TENM3: variants seen among roughly 807,000 people sequenced by gnomAD.
TENM3 encodes teneurin-3.
In TENM3, 63 loss-of-function variants were observed where a neutral mutation model predicts 255.1. That is an observed-to-expected ratio of 0.25 (90% CI 0.20 to 0.30). The LOEUF is 0.30. Among genes scored for constraint, TENM3 ranks in the 10% least tolerant of loss-of-function variants. The probability of loss-of-function intolerance (pLI) is 1.00; values close to 1 mark genes in which losing one functional copy is unlikely to be tolerated. For synonymous variants in TENM3, 1,306 were observed against 1,322.3 expected (o/e 0.99, Z 0.27); for missense variants, 2,929 against 3,461.1 (o/e 0.85, Z 3.86).
rs1054909803 is a variant in TENM3, at chr4:182,621,466, T to A, written c.750-7185T>A. Among the ~76,000 whole-genome samples, 12 of 149,638 alleles carry A rather than the reference T, an allele frequency of 8.0e-5. No homozygotes were observed. In the East Asian group the frequency reaches 2.4e-3, roughly 30 times the overall value. ...ATCTGAGGAGGGGTACTTCTGAGAT[T>A]TAAAGTCAGTGGCTGGCCAGGCATG... is the stretch of plus-strand genomic sequence containing the variant. On this transcript the variant is annotated intron_variant, in intron 4 of 27. Transcript: ENST00000511685.
At chr4:181,680,008 T>C in the TENM3 span, among the ~76,000 whole-genome samples, 22 of 152,110 alleles carry the variant, frequency 1.4e-4, no homozygotes, top group Non-Finnish European at 7.4e-5. Flanking sequence ...GTCTAATCAA[T>C]TCCCCCTCCA....
At chr4:181,478,131 T>C in the TENM3 span, among the ~76,000 whole-genome samples, 1 of 152,196 alleles carries the variant, frequency 6.6e-6, no homozygotes, top group East Asian at 1.9e-4. Flanking sequence ...ATGAGCAGAT[T>C]GGGAGACTAC....
At chr4:182,029,731 AG>A in the TENM3 span, among the ~76,000 whole-genome samples, 1 of 152,190 alleles carries the variant, frequency 6.6e-6, no homozygotes, top group Non-Finnish European at 1.5e-5. Context: ...ACATTGTAAA[AG>A]TATTTGTATT....
At chr4:181,575,717 C>T in the TENM3 span, among the ~76,000 whole-genome samples, 25 of 152,124 alleles carry the variant, frequency 1.6e-4, no homozygotes, top group East Asian at 1.9e-4. Context: ...GAGCTATATA[C>T]GACATTTGGG....
intron 3 of TENM3, among the ~76,000 whole-genome samples, chr4:182,364,481 A>G (rs1766267547): frequency 6.6e-6 from 1 of 152,142 alleles, no homozygotes; most frequent in Non-Finnish European, 1.5e-5. Context: ...CAGTGGCGCG[A>G]TCTCGGCTCA....
chr4:181,982,400 A>G, the TENM3 span, among the ~76,000 whole-genome samples: 1 of 152,198 alleles, frequency 6.6e-6, no homozygotes, highest in Non-Finnish European at 1.5e-5. Flanking sequence ...AGGCGGATGT[A>G]CAGTATTGAA....
At chr4:182,273,876 T>A (rs759763502) in intron 1 of TENM3, among the ~76,000 whole-genome samples, 1 of 152,218 alleles carries the variant, frequency 6.6e-6, no homozygotes, top group Non-Finnish European at 1.5e-5. Context: ...ATGAAGGAGC[T>A]TTGTATTCTA....
the TENM3 span, among the ~76,000 whole-genome samples, chr4:181,954,808 C>G: frequency 6.6e-6 from 1 of 152,070 alleles, no homozygotes; most frequent in African/African-American, 2.4e-5. Context: ...GTGTTCCTTC[C>G]AGAAATTATA....
chr4:181,960,000 G>A, the TENM3 span, among the ~76,000 whole-genome samples: 4 of 152,172 alleles, frequency 2.6e-5, no homozygotes, highest in Non-Finnish European at 4.4e-5. Context: ...AAGTTCAAGG[G>A]CAAGTTACAC....
At chr4:181,659,182 AAATT>A in the TENM3 span, among the ~76,000 whole-genome samples, 2 of 152,190 alleles carry the variant, frequency 1.3e-5, no homozygotes, top group South Asian at 2.1e-4. Context: ...GTAATTAAGA[AAATT>A]AATCCTTTGT....
the TENM3 span, among the ~76,000 whole-genome samples, chr4:182,006,058 T>G: frequency 1.3e-5 from 2 of 152,162 alleles, no homozygotes; most frequent in Non-Finnish European, 2.9e-5. Context: ...TATCCTTTAT[T>G]TCTTCTCTTG....
At chr4:182,106,560 C>T in the TENM3 span, among the ~76,000 whole-genome samples, 4 of 152,274 alleles carry the variant, frequency 2.6e-5, no homozygotes, top group South Asian at 2.1e-4. Flanking sequence ...AACTAAATGT[C>T]CTATAGGTGA....
At chr4:181,983,234 A>G in the TENM3 span, among the ~76,000 whole-genome samples, 5 of 152,134 alleles carry the variant, frequency 3.3e-5, no homozygotes, top group African/African-American at 9.6e-5. Context: ...TTCCTTCTGC[A>G]TGTTACATGC....
intron 3 of TENM3, among the ~76,000 whole-genome samples, chr4:182,538,280 C>A (rs1740534903): frequency 6.6e-6 from 1 of 152,040 alleles, no homozygotes; most frequent in Non-Finnish European, 1.5e-5. Context: ...CAATAGTAGG[C>A]AAATTCAGAA....
chr4:182,474,220 T>TATAG (rs1354522696), intron 3 of TENM3, among the ~76,000 whole-genome samples: 5 of 152,166 alleles, frequency 3.3e-5, no homozygotes, highest in African/African-American at 9.7e-5. Context: ...CTCACAGGAT[T>TATAG]ATAGATACCA....
At chr4:182,766,098 C>T (rs1034097734) in intron 22 of TENM3, among the ~76,000 whole-genome samples, 2 of 152,156 alleles carry the variant, frequency 1.3e-5, no homozygotes, top group African/African-American at 4.8e-5. Context: ...TCCTTGTCCT[C>T]GCTCAGTGCC....
intron 11 of TENM3, among the ~76,000 whole-genome samples, chr4:182,687,731 A>G (rs1433065473): frequency 6.6e-6 from 1 of 150,992 alleles, no homozygotes; most frequent in African/African-American, 2.4e-5. Context: ...TTCTTGCCAT[A>G]TGTATGAAAT....
chr4:181,572,630 T>C, the TENM3 span, among the ~76,000 whole-genome samples: 1 of 152,196 alleles, frequency 6.6e-6, no homozygotes, highest in African/African-American at 2.4e-5. Flanking sequence ...TGTGTATATA[T>C]TTATGGGGTA....
At chr4:181,575,663 T>G in the TENM3 span, among the ~76,000 whole-genome samples, 10 of 152,352 alleles carry the variant, frequency 6.6e-5, no homozygotes, top group South Asian at 2.1e-3. Flanking sequence ...TTGAGTGGTA[T>G]GGAAGCTTTC....
Sources: allele counts gnomAD v4.1 joint callset (sites outside exome capture counted in the v4.1 genomes callset), GRCh38; gene constraint gnomAD v4.1.1; transcripts MANE v1.5; gene names NCBI Gene and HGNC (gene_info 2026-07-23, HGNC 2026-07-21).